FAM124B: variants seen among roughly 807,000 people sequenced by gnomAD.
FAM124B encodes protein FAM124B.
A neutral mutation model predicts 19.7 loss-of-function variants in FAM124B; 18 were observed. The ratio of observed to expected loss-of-function variants is 0.92; its 90% CI spans 0.63 to 1.36. FAM124B has a LOEUF of 1.36. Among genes scored for constraint, FAM124B ranks in the 40% most tolerant of loss-of-function variants. The pLI, the probability that FAM124B is intolerant of heterozygous loss-of-function variation, is 0.00. For missense variants in FAM124B, 540 were observed against 553.3 expected (o/e 0.98, Z 0.24); for synonymous variants, 223 against 225.2 (o/e 0.99, Z 0.09).
intron 1 of FAM124B, among the ~76,000 whole-genome samples, chr2:224,391,687 A>G (rs1689891168): frequency 6.6e-6 from 1 of 152,232 alleles, no homozygotes; most frequent in Non-Finnish European, 1.5e-5. Context: ...TTAAGAGTTA[A>G]AAGCTTGAAC....
In FAM124B at chr2:224,380,100, T is replaced by C; in HGVS notation, c.841A>G (p.Arg281Gly). ...CTCTTGCCCTGGTTCCTCTGGCTCC[T>C]GGGTTCTGAGGTCCTCTTTGCAGAG... ...SVSAKRTSEPRSQRNQGKRSQ... is the reference protein window; with the variant it reads ...SVSAKRTSEPGSQRNQGKRSQ... The change falls in exon 2 of 2, where the codon AGG becomes GGG. Residue 281 changes from arginine (R) to glycine (G), a missense_variant. By Grantham distance (125) the Arg-to-Gly change is moderately radical. Coordinates refer to ENST00000409685, the MANE Select transcript of FAM124B (RefSeq NM_001122779.2). The C allele has an allele frequency of 6.4e-7, 1 of 1,551,706 alleles. No homozygotes were observed. Among genetic ancestry groups the C allele is most frequent in the Non-Finnish European group, 8.7e-7 (1 of 1,147,002 alleles).
At chr2:224,384,438 C>T (rs1032333915) in intron 1 of FAM124B, among the ~76,000 whole-genome samples, 6 of 152,174 alleles carry the variant, frequency 3.9e-5, no homozygotes, top group Non-Finnish European at 8.8e-5. Flanking sequence ...CACAGACTCC[C>T]ACAAAATCTC....
chr2:224,379,951 G>A lies in FAM124B; in HGVS notation c.990C>T (p.Ala330=). ...SFQVSSPAMG[A]HLHLSSHHLE... is the part of the protein sequence containing the mutation. ...GGTGATGAGAAGACAGGTGCAGGTGGGCACCCATAGCTGGGCTGCTGACCT... is the reference window on the plus strand; with the variant it reads ...GGTGATGAGAAGACAGGTGCAGGTGAGCACCCATAGCTGGGCTGCTGACCT... The change falls in exon 2 of 2, where the codon GCC becomes GCT. Residue 330 remains alanine, a synonymous_variant. Transcript: ENST00000409685. 6.4e-7 allele frequency: 1 copy of A among 1,551,760 alleles called. No individual in the cohort carries two copies. The highest frequency in any genetic ancestry group is 8.7e-7 in the Non-Finnish European group (1 of 1,147,006).
chr2:224,383,643 T>C (rs1689759057), intron 1 of FAM124B, among the ~76,000 whole-genome samples: 1 of 152,122 alleles, frequency 6.6e-6, no homozygotes, highest in South Asian at 2.1e-4. Flanking sequence ...ACCCCCAAAT[T>C]CTCACTTTCC....
In FAM124B at chr2:224,380,039, C is replaced by A. The variant is rs138115641; in HGVS notation, c.902G>T (p.Ser301Ile). 5 of 1,551,720 alleles carry A rather than the reference C, an allele frequency of 3.2e-6. No homozygotes were observed. The highest frequency in any genetic ancestry group is 4.4e-6 in the Non-Finnish European group (5 of 1,147,008). ...QGHSLELPEPSGSPTSDRCAG... is the reference protein window; with the variant it reads ...QGHSLELPEPIGSPTSDRCAG... ...ACACCTGTCTGATGTGGGGCTCCCACTGGGCTCAGGAAGCTCCAGAGAATG... is the reference window on the plus strand; with the variant it reads ...ACACCTGTCTGATGTGGGGCTCCCAATGGGCTCAGGAAGCTCCAGAGAATG... Residue 301 changes from serine to isoleucine, a missense_variant, in exon 2 of 2, where the codon AGT (serine) becomes ATT (isoleucine). Coordinates refer to ENST00000409685, the MANE Select transcript of FAM124B (RefSeq NM_001122779.2).
chr2:224,401,797 A>G lies in FAM124B; in HGVS notation c.-29T>C. The G allele has an allele frequency of 6.3e-7, 1 of 1,590,256 alleles. No homozygotes were observed. Among genetic ancestry groups the G allele is most frequent in the Non-Finnish European group, 8.6e-7 (1 of 1,167,388 alleles). Reference sequence around the variant, plus strand: ...GGAACTGCCTGAGGCTGACAAAGACAGCGTGTGTAGAAGGCCCACTGTTCA... The same window carrying G: ...GGAACTGCCTGAGGCTGACAAAGACGGCGTGTGTAGAAGGCCCACTGTTCA... On this transcript the variant is annotated 5_prime_UTR_variant, in exon 1 of 2. Transcript: ENST00000409685.
At chr2:224,400,632 G>A (rs758925426) in intron 1 of FAM124B, 100 of 564,060 alleles carry the variant, frequency 1.8e-4, no homozygotes, top group Non-Finnish European at 2.5e-4. Flanking sequence ...AAGGATAGGG[G>A]TATAGTTGAT....
rs372108483 is a variant in FAM124B at position 224,386,439 on chromosome 2, CACTT to C, written c.733-6235_733-6232del. Among the ~76,000 whole-genome samples the C allele has an allele frequency of 2.6e-3, 398 of 152,198 alleles. 5 individuals carry two copies. Among genetic ancestry groups the C allele is most frequent in the African/African-American group, 9.2e-3 (381 of 41,508 alleles). ...ACTTATTAGCAGTAGGATTTTAGAC[CACTT>C]ACTTAATATTTCTGTCCCTCAGTTT... On this transcript the variant is annotated intron_variant, in intron 1 of 1. Transcript: ENST00000409685.
At chr2:224,392,501 T>G (rs941460819) in intron 1 of FAM124B, among the ~76,000 whole-genome samples, 1 of 152,120 alleles carries the variant, frequency 6.6e-6, no homozygotes, top group Non-Finnish European at 1.5e-5. Flanking sequence ...ATGCCTGTAA[T>G]CCCAGCACTT....
chr2:224,387,504 T>G (rs191571302), intron 1 of FAM124B, among the ~76,000 whole-genome samples: 1 of 152,344 alleles, frequency 6.6e-6, no homozygotes, highest in East Asian at 1.9e-4. Context: ...AAGAAACCTC[T>G]AAACAGTGCC....
intron 1 of FAM124B, among the ~76,000 whole-genome samples, chr2:224,397,965 C>T (rs1690001101): frequency 6.6e-6 from 1 of 152,182 alleles, no homozygotes; most frequent in Non-Finnish European, 1.5e-5. Flanking sequence ...TGTCTGCCGC[C>T]ATCCATGTAA....
Position 224,401,622 on chromosome 2 carries a change from A to G in FAM124B, c.147T>C (p.Ser49=). The G allele has an allele frequency of 6.2e-7, 1 of 1,614,180 alleles. No homozygotes were observed. Among genetic ancestry groups the G allele is most frequent in the South Asian group, 1.1e-5 (1 of 91,076 alleles). The stretch of plus-strand genomic sequence containing the variant: ...GGGACTTTTCACAGTATTTCACAGG[A>G]CTGGCCCGTTCAGACACCTGAAAGA... ...VRLFQVSERA[S]PVKYCEKSHS... Residue 49 remains serine, a synonymous_variant, in exon 1 of 2, where the codon AGT becomes AGC. Transcript: ENST00000409685.
chr2:224,394,533 T>C (rs983169619), intron 1 of FAM124B, among the ~76,000 whole-genome samples: 1 of 152,198 alleles, frequency 6.6e-6, no homozygotes, highest in Non-Finnish European at 1.5e-5. Flanking sequence ...CCCTCTGAAG[T>C]GGTCAGTCAA....
At position 224,392,611 on chromosome 2, in the gene FAM124B, C is replaced by T. The variant is rs535235045; in HGVS notation, c.732+8426G>A. On this transcript the variant is annotated intron_variant, in intron 1 of 1. Transcript: ENST00000409685. ...CTCTACAAAAAATACAAAAATTAGC[C>T]GGGCATGATGGTGCACATCTGTAGT... Among the ~76,000 whole-genome samples the T allele has an allele frequency of 7.9e-5, 12 of 152,034 alleles. 1 individual carries two copies. In the South Asian group the frequency reaches 2.1e-3, roughly 26 times the overall value.
At chr2:224,392,803 C>T (rs1056419855) in intron 1 of FAM124B, among the ~76,000 whole-genome samples, 10 of 145,558 alleles carry the variant, frequency 6.9e-5, no homozygotes, top group African/African-American at 2.0e-4. Context: ...TTGTCACCAA[C>T]GAGGCTATAC....
rs1181383777 is a variant in FAM124B at position 224,401,258 on chromosome 2, A to C, written c.511T>G (p.Phe171Val). The change falls in exon 1 of 2, where the codon TTT becomes GTT. Residue 171 changes from phenylalanine to valine, a missense_variant. Coordinates refer to ENST00000409685, the MANE Select transcript of FAM124B (RefSeq NM_001122779.2). The stretch of plus-strand genomic sequence containing the variant: ...GAGGCATAGAGCACGAAGAAACAAA[A>C]ATTGCTCTTTTGCAAGGTCGCTTCT... Reference protein sequence around the residue: ...QREATLQKSNFCFFVLYASKS... With the variant: ...QREATLQKSNVCFFVLYASKS... 1.2e-6 allele frequency: 2 copies of C among 1,613,782 alleles called. No individual in the cohort carries two copies. The highest frequency in any genetic ancestry group is 2.7e-5 in the African/African-American group (2 of 74,822).
Position 224,401,065 on chromosome 2 carries a change from T to G in FAM124B, c.704A>C (p.Asp235Ala). ...AAGCAGAATCTTGTTGCCATCGTAG[T>G]CCTGAGTCTGCCACCTGGTGCTGCT... ...PISSTRWQTQ[D>A]YDGNKILLQV... is the part of the protein sequence containing the mutation. The change falls in exon 1 of 2, where the codon GAC becomes GCC. Residue 235 changes from aspartate to alanine, a missense_variant. By Grantham distance (126) the Asp-to-Ala change is moderately radical (BLOSUM62 -2). Transcript: ENST00000409685. 6.2e-7 allele frequency: 1 copy of G among 1,608,654 alleles called. No homozygotes were observed. The highest frequency in any genetic ancestry group is 8.5e-7 in the Non-Finnish European group (1 of 1,176,152).
At position 224,379,169 on chromosome 2, in the gene FAM124B, T is replaced by C. The variant is rs570195802; in HGVS notation, c.*404A>G. 6.1e-6 allele frequency: 1 copy of C among 164,234 alleles called. No homozygotes were observed. The highest frequency in any genetic ancestry group is 1.3e-5 in the Non-Finnish European group (1 of 74,578). 10.2% of individuals were successfully genotyped at this position (164,234 alleles called of 1,614,324 possible). ...ATTCAAGAGTAAATAGCAGTCCATATTGTCCAGGGGGATGAGCTATGCAAC... is the reference window on the plus strand; with the variant it reads ...ATTCAAGAGTAAATAGCAGTCCATACTGTCCAGGGGGATGAGCTATGCAAC... On this transcript the variant is annotated 3_prime_UTR_variant, in exon 2 of 2. Transcript: ENST00000409685.
At chr2:224,395,805 A>G (rs182054149) in intron 1 of FAM124B, among the ~76,000 whole-genome samples, 94 of 152,320 alleles carry the variant, frequency 6.2e-4, no homozygotes, top group Middle Eastern at 6.8e-3. Flanking sequence ...GGTCATGTGG[A>G]AAACGCATTG....
Sources: allele counts gnomAD v4.1 joint callset (sites outside exome capture counted in the v4.1 genomes callset), GRCh38; gene constraint gnomAD v4.1.1; transcripts MANE v1.5; gene names NCBI Gene and HGNC (gene_info 2026-07-23, HGNC 2026-07-21).